Variants in LPIN2 observed in about 807,000 individuals in gnomAD.
LPIN2 encodes the protein phosphatidate phosphatase LPIN2.
A neutral mutation model predicts 111.4 loss-of-function variants in LPIN2; 55 were observed. The ratio of observed to expected loss-of-function variants is 0.49; its 90% CI spans 0.40 to 0.62. The LOEUF (loss-of-function observed/expected upper bound fraction) is 0.62, where lower values mean the gene tolerates loss of function less well. LPIN2 is among the 20% of genes least tolerant of loss of function. The pLI, the probability that LPIN2 is intolerant of heterozygous loss-of-function variation, is 0.00. For missense variants in LPIN2, 992 were observed against 1,112.1 expected, an observed-to-expected ratio of 0.89 and a Z score of 1.54; for synonymous variants, 425 against 414.0, an observed-to-expected ratio of 1.03 and a Z score of -0.32.
chr18:2,936,663 C>T (rs774944038), intron 7 of LPIN2, among the ~76,000 whole-genome samples: 9 of 152,210 alleles, frequency 5.9e-5, no homozygotes, highest in Non-Finnish European at 1.3e-4. Flanking sequence ...TCATTGCAAC[C>T]TCTGCCCCAG....
At chr18:3,002,236 C>CAAAAAA (rs765641037) in intron 1 of LPIN2, among the ~76,000 whole-genome samples, 2 of 82,832 alleles carry the variant, frequency 2.4e-5, no homozygotes, top group South Asian at 5.0e-4. Context: ...TTCAAAAGAC[C>CAAAAAA]AAAAAAAAAA....
At chr18:2,977,191 CA>C (rs71159027) in intron 1 of LPIN2, 77,909 of 120,620 alleles carry the variant, frequency 0.65, 23,320 homozygotes, top group Non-Finnish European at 0.74. Flanking sequence ...GAGACCTTGT[CA>C]AAAAAAAAAA....
intron 4 of LPIN2, chr18:2,946,629 C>A: frequency 2.9e-6 from 2 of 701,324 alleles, no homozygotes; most frequent in South Asian, 3.2e-5. Flanking sequence ...AGTCTCCATA[C>A]CTCAGTTTTT....
chr18:3,001,665 C>G (rs1431060967), intron 1 of LPIN2, among the ~76,000 whole-genome samples: 1 of 151,924 alleles, frequency 6.6e-6, no homozygotes, highest in East Asian at 1.9e-4. Flanking sequence ...GAATCAAATC[C>G]CACAAGCACA....
At position 2,920,430 on chromosome 18, in the gene LPIN2, T is replaced by A; in HGVS notation, c.2554A>T (p.Arg852Trp). The A allele has an allele frequency of 6.2e-7, 1 of 1,613,746 alleles. No homozygotes were observed. The highest frequency in any genetic ancestry group is 8.5e-7 in the Non-Finnish European group (1 of 1,180,036). The change falls in exon 20 of 20, where the codon AGG (arginine) becomes TGG (tryptophan). Residue 852 changes from arginine to tryptophan, a missense_variant. Physicochemically the swap from Arg to Trp is moderately radical, Grantham distance 101 (BLOSUM62 -3). Coordinates refer to ENST00000677752, the MANE Select transcript of LPIN2 (RefSeq NM_001375808.2). ...RTKGNKSSYH[R>W]LSELVEHVFP... is the part of the protein sequence containing the mutation. ...ACATGCTCCACGAGCTCACTCAGCC[T>A]GTGATACCTAAGAGAAAGGTTGGGG... is the stretch of plus-strand genomic sequence containing the variant.
chr18:2,994,624 T>C (rs1166788009), intron 1 of LPIN2, among the ~76,000 whole-genome samples: 1 of 152,240 alleles, frequency 6.6e-6, no homozygotes, highest in Non-Finnish European at 1.5e-5. Context: ...TTACAGCTTT[T>C]AATAGTTTAG....
intron 2 of LPIN2, among the ~76,000 whole-genome samples, chr18:2,958,172 AAC>A (rs2077650754): frequency 6.2e-5 from 9 of 145,244 alleles, no homozygotes; most frequent in East Asian, 2.0e-4. Context: ...AAAAAAAAAA[AAC>A]AGAAAAAAGA....
intron 1 of LPIN2, among the ~76,000 whole-genome samples, chr18:3,000,579 G>A (rs1258619261): frequency 1.3e-5 from 2 of 152,250 alleles, no homozygotes; most frequent in Admixed American, 6.5e-5. Flanking sequence ...TGTACGGCAC[G>A]TAGTGCCAGC....
chr18:2,928,908 G>A (rs2077174316), intron 10 of LPIN2, among the ~76,000 whole-genome samples, 157 bp downstream of exon 10: 2 of 152,142 alleles, frequency 1.3e-5, no homozygotes, highest in Admixed American at 1.3e-4. Flanking sequence ...AAATAAAATT[G>A]AAGCTTTACT....
At chr18:2,994,528 T>C (rs912709048) in intron 1 of LPIN2, among the ~76,000 whole-genome samples, 2 of 152,262 alleles carry the variant, frequency 1.3e-5, no homozygotes, top group Admixed American at 1.3e-4. Context: ...CATATAATAA[T>C]ATTTTATACA....
intron 1 of LPIN2, among the ~76,000 whole-genome samples, chr18:2,987,781 G>A (rs528261921): frequency 6.6e-6 from 1 of 151,990 alleles, no homozygotes; most frequent in Non-Finnish European, 1.5e-5. Flanking sequence ...AACGGCTGCT[G>A]TAATTTTAAG....
chr18:3,011,060 T>C (rs575566002), intron 1 of LPIN2, among the ~76,000 whole-genome samples: 1 of 152,214 alleles, frequency 6.6e-6, no homozygotes, highest in East Asian at 1.9e-4. Context: ...GCCGGCTATG[T>C]GCTTGGAACT....
At chr18:2,940,097 G>T (rs61644398) in intron 5 of LPIN2, among the ~76,000 whole-genome samples, 28 of 152,296 alleles carry the variant, frequency 1.8e-4, no homozygotes, top group Admixed American at 5.9e-4. Flanking sequence ...AGGCCAAGGC[G>T]AGAGGATCAC....
intron 1 of LPIN2, 92 bp from the exon 2 acceptor site, chr18:2,960,941 A>G: frequency 2.0e-6 from 2 of 982,118 alleles, no homozygotes; most frequent in Non-Finnish European, 3.2e-6. Context: ...GACACTACTC[A>G]CTTGTATGCC....
Position 2,939,537 on chromosome 18 carries a change from C to G in LPIN2, c.765G>C (p.Leu255=). Residue 255 remains leucine, a synonymous_variant, in exon 6 of 20, where the codon CTG becomes CTC. Coordinates refer to ENST00000677752, the MANE Select transcript of LPIN2 (RefSeq NM_001375808.2). Reference sequence around the variant, plus strand: ...ACTCCATGTGAGACTCTGATCTGAGCAGGCTCTCCGCAGGTTTCACCTCCA... The same window carrying G: ...ACTCCATGTGAGACTCTGATCTGAGGAGGCTCTCCGCAGGTTTCACCTCCA... ...SELEVKPAES[L]LRSESHMEWT... is the part of the protein sequence containing the mutation. 1 of 1,614,084 alleles carries G rather than the reference C, an allele frequency of 6.2e-7. No homozygotes were observed.
chr18:2,923,364 G>A (rs1367348499), intron 16 of LPIN2, among the ~76,000 whole-genome samples: 5 of 133,020 alleles, frequency 3.8e-5, no homozygotes, highest in Non-Finnish European at 6.1e-5. Context: ...AGACTGCAGT[G>A]AGCCAAGGTC....
At position 2,963,447 on chromosome 18, in the gene LPIN2, A is replaced by C. The variant is rs148397688; in HGVS notation, c.-9-2598T>G. Among the ~76,000 whole-genome samples, 62 of 152,164 alleles carry C rather than the reference A, an allele frequency of 4.1e-4. 1 individual carries two copies. Among genetic ancestry groups the C allele is most frequent in the Non-Finnish European group, 5.4e-4 (37 of 68,042 alleles). On this transcript the variant is annotated intron_variant, in intron 1 of 19. Transcript: ENST00000677752. ...AAGCCACACTCTGAACCAGCAGCAG[A>C]AAAGATACACAATGATGTAACCCAA...
At chr18:2,956,382 A>G (rs1447600868) in intron 2 of LPIN2, among the ~76,000 whole-genome samples, 3 of 147,752 alleles carry the variant, frequency 2.0e-5, no homozygotes, top group Non-Finnish European at 4.5e-5. Flanking sequence ...TGGCTCTGCC[A>G]GCTTGGGCTG....
intron 1 of LPIN2, among the ~76,000 whole-genome samples, chr18:3,004,492 A>G (rs16944186): frequency 0.086 from 13,082 of 152,218 alleles, 1,377 homozygotes; most frequent in African/African-American, 0.26. Context: ...ACTGAACAGA[A>G]TAAAAGACTG....
Sources: gnomAD v4.1 joint callset for allele counts (sites outside exome capture counted in the v4.1 genomes callset) on GRCh38, gnomAD v4.1.1 for gene constraint, MANE v1.5 for transcripts, NCBI Gene and HGNC (gene_info 2026-07-23, HGNC 2026-07-21) for gene names.